PTPN3: variants seen among roughly 807,000 people sequenced by gnomAD.
The protein encoded by PTPN3 is tyrosine-protein phosphatase non-receptor type 3.
A neutral mutation model predicts 132.7 loss-of-function variants in PTPN3; 96 were observed. The ratio of observed to expected loss-of-function variants is 0.72; its 90% confidence interval spans 0.61 to 0.86. PTPN3 has a LOEUF of 0.86. PTPN3 is among the 40% of genes least tolerant of loss of function. PTPN3 has a pLI of 0.00. For missense variants in PTPN3, 1,125 were observed against 1,159.6 expected, an observed-to-expected ratio of 0.97 and a Z score of 0.43; for synonymous variants, 398 against 429.0, an observed-to-expected ratio of 0.93 and a Z score of 0.89.
At chr9:109,487,374 C>A (rs1847261948) in intron 1 of PTPN3, among the ~76,000 whole-genome samples, 1 of 152,250 alleles carries the variant, frequency 6.6e-6, no homozygotes, top group South Asian at 2.1e-4. Context: ...AGCATATTAT[C>A]TAAAAGTGTC....
At position 109,391,142 on chromosome 9, in the gene PTPN3, A is replaced by C; in HGVS notation, c.2102T>G (p.Val701Gly). The C allele has an allele frequency of 1.9e-6, 3 of 1,613,030 alleles. No homozygotes were observed. Among genetic ancestry groups the C allele is most frequent in the Non-Finnish European group, 2.5e-6 (3 of 1,179,146 alleles). Residue 701 changes from valine (V) to glycine (G), a missense_variant, in exon 21 of 26, where the codon GTG (valine) becomes GGG (glycine). Physicochemically the swap from Val to Gly is moderately radical, Grantham distance 109 (BLOSUM62 -3). Coordinates refer to ENST00000374541, the MANE Select transcript of PTPN3 (RefSeq NM_002829.4). Reference sequence around the variant, plus strand: ...TCATCCAGATTCCTAACTTACGTTCACGTAACTTGCATTAATATAATCTTC... The same window carrying C: ...TCATCCAGATTCCTAACTTACGTTCCCGTAACTTGCATTAATATAATCTTC... ...GNEDYINASY[V>G]NMEIPAANLV...
At chr9:109,434,150 G>A (rs1484771055) in intron 9 of PTPN3, among the ~76,000 whole-genome samples, 1 of 152,138 alleles carries the variant, frequency 6.6e-6, no homozygotes, top group African/African-American at 2.4e-5. Context: ...TGTGTGTTTG[G>A]TTTTTCTCTG....
intron 1 of PTPN3, among the ~76,000 whole-genome samples, chr9:109,484,825 G>A (rs935854841): frequency 1.3e-5 from 2 of 152,136 alleles, no homozygotes; most frequent in African/African-American, 2.4e-5. Flanking sequence ...TCATCCTCAC[G>A]CAGTCCTCAG....
chr9:109,430,593 C>A (rs1418745546), intron 10 of PTPN3, among the ~76,000 whole-genome samples: 3 of 152,140 alleles, frequency 2.0e-5, no homozygotes, highest in Non-Finnish European at 4.4e-5. Context: ...CTATGCCAGG[C>A]CCTGGGGACA....
chr9:109,447,326 C>A (rs1339519766), intron 6 of PTPN3, among the ~76,000 whole-genome samples: 1 of 152,056 alleles, frequency 6.6e-6, no homozygotes, highest in African/African-American at 2.4e-5. Context: ...ACTAAGTGTG[C>A]AGAAGAGAAG....
At chr9:109,485,923 A>G (rs1847186886) in intron 1 of PTPN3, among the ~76,000 whole-genome samples, 1 of 152,394 alleles carries the variant, frequency 6.6e-6, no homozygotes, top group African/African-American at 2.4e-5. Flanking sequence ...TTCTTTCAAT[A>G]GCAAATAACC....
intron 5 of PTPN3, chr9:109,450,928 T>A (rs1845200365): frequency 1.0e-6 from 1 of 985,090 alleles, no homozygotes; most frequent in East Asian, 1.1e-4. Context: ...TCTTGAGAGC[T>A]AAAATTTCCT....
intron 6 of PTPN3, among the ~76,000 whole-genome samples, chr9:109,446,170 G>A (rs1044261722): frequency 1.3e-5 from 2 of 152,202 alleles, no homozygotes; most frequent in African/African-American, 4.8e-5. Context: ...CTTGAAGGGT[G>A]GGGAGGTCTC....
the PTPN3 span, among the ~76,000 whole-genome samples, chr9:109,524,358 A>G: frequency 5.1e-5 from 2 of 39,376 alleles, 1 homozygote; most frequent in African/African-American, 2.4e-4. Context: ...GAATGAACCT[A>G]TGAAGGAGGT....
At chr9:109,497,274 G>T (rs1362787746) in intron 1 of PTPN3, among the ~76,000 whole-genome samples, 1 of 152,038 alleles carries the variant, frequency 6.6e-6, no homozygotes, top group Non-Finnish European at 1.5e-5. Flanking sequence ...TTCACATCAC[G>T]CCAACTGCTT....
intron 5 of PTPN3, chr9:109,450,674 T>C (rs1845187927): frequency 1.0e-6 from 1 of 985,062 alleles, no homozygotes; most frequent in Non-Finnish European, 1.2e-6. Flanking sequence ...AAGAATGATC[T>C]AAATTTATCA....
intron 1 of PTPN3, among the ~76,000 whole-genome samples, chr9:109,469,109 G>C (rs1032621067): frequency 3.3e-5 from 5 of 152,200 alleles, no homozygotes; most frequent in African/African-American, 1.2e-4. Context: ...AGAGCCCTGG[G>C]AGTCAGGGTT....
intron 19 of PTPN3, among the ~76,000 whole-genome samples, chr9:109,398,345 C>A (rs1840766572): frequency 6.6e-6 from 1 of 152,302 alleles, no homozygotes; most frequent in African/African-American, 2.4e-5. Context: ...TCAATTTAAA[C>A]CTCTTATAAA....
chr9:109,409,930 AT>A, intron 16 of PTPN3, 68 bp downstream of exon 16: 2 of 1,569,362 alleles, frequency 1.3e-6, no homozygotes, highest in Non-Finnish European at 1.7e-6. Flanking sequence ...CACATTTGTA[AT>A]GCAAATTAAA....
chr9:109,393,636 C>T (rs1840322292), intron 19 of PTPN3, among the ~76,000 whole-genome samples: 1 of 152,062 alleles, frequency 6.6e-6, no homozygotes, highest in Admixed American at 6.5e-5. Flanking sequence ...ATCCACACAC[C>T]TCGGCCTCTG....
the PTPN3 span, among the ~76,000 whole-genome samples, chr9:109,531,191 A>G: frequency 6.6e-6 from 1 of 152,208 alleles, no homozygotes; most frequent in African/African-American, 2.4e-5. Flanking sequence ...TGTAGATGTC[A>G]TCTCGATCTA....
At chr9:109,526,707 A>G in the PTPN3 span, among the ~76,000 whole-genome samples, 1 of 152,128 alleles carries the variant, frequency 6.6e-6, no homozygotes, top group Non-Finnish European at 1.5e-5. Context: ...ATGTGAGAGC[A>G]AAGGACCTAG....
chr9:109,405,018 C>A (rs1174807646), intron 18 of PTPN3, among the ~76,000 whole-genome samples: 1 of 152,204 alleles, frequency 6.6e-6, no homozygotes, highest in East Asian at 1.9e-4. Context: ...TTTCCTCAGG[C>A]ATGAGGGTGA....
intron 7 of PTPN3, among the ~76,000 whole-genome samples, chr9:109,440,162 G>A (rs372330916): frequency 1.3e-5 from 2 of 152,214 alleles, no homozygotes; most frequent in East Asian, 1.9e-4. Context: ...AGAGGCTGAT[G>A]CAAATTTCAG....
Sources: allele counts gnomAD v4.1 joint callset (sites outside exome capture counted in the v4.1 genomes callset), GRCh38; gene constraint gnomAD v4.1.1; transcripts MANE v1.5; gene names NCBI Gene and HGNC (gene_info 2026-07-23, HGNC 2026-07-21).